ACSM4: variants seen among roughly 807,000 people sequenced by gnomAD.
ACSM4 encodes the protein acyl-coenzyme A synthetase ACSM4, mitochondrial.
A neutral mutation model predicts 73.0 loss-of-function variants in ACSM4; 66 were observed. The ratio of observed to expected loss-of-function variants is 0.90; its 90% CI spans 0.74 to 1.11. ACSM4 has a LOEUF of 1.11. ACSM4 is among the 50% of genes least tolerant of loss of function. The pLI is 0.00. For synonymous variants in ACSM4, 222 were observed against 254.0 expected, an observed-to-expected ratio of 0.87 and a Z score of 1.20; for missense variants, 645 against 714.4, an observed-to-expected ratio of 0.90 and a Z score of 1.11.
intron 5 of ACSM4, among the ~76,000 whole-genome samples, chr12:7,319,286 TG>T (rs1297224597): frequency 1.3e-5 from 2 of 151,806 alleles, no homozygotes; most frequent in African/African-American, 4.8e-5. Context: ...GGAGCTCAGG[TG>T]GTAATGCGGG....
chr12:7,318,194 C>G lies in ACSM4; in HGVS notation c.921+12C>G. 1 of 1,612,278 alleles carries G rather than the reference C, an allele frequency of 6.2e-7. No homozygotes were observed. Among genetic ancestry groups the G allele is most frequent in the Non-Finnish European group, 8.5e-7 (1 of 1,179,498 alleles). On this transcript the variant is annotated intron_variant, in intron 5 of 12. Transcript: ENST00000399422. ...ACACCTTCCTAGACGTAAGTCATGT[C>G]CTCCAGCTAGATAGATCTTTAGAGT...
intron 6 of ACSM4, among the ~76,000 whole-genome samples, chr12:7,321,480 G>A (rs7309521): frequency 0.03 from 4,537 of 152,304 alleles, 236 homozygotes; most frequent in African/African-American, 0.1. Flanking sequence ...AGTGCTATGC[G>A]AGACAGAATA....
At chr12:7,312,014 T>C (rs1253932371) in intron 3 of ACSM4, among the ~76,000 whole-genome samples, 2 of 152,194 alleles carry the variant, frequency 1.3e-5, no homozygotes, top group Non-Finnish European at 2.9e-5. Flanking sequence ...TAAAGTTTTA[T>C]TGGAATGCAT....
In ACSM4 at chr12:7,317,273, T is replaced by C; in HGVS notation, c.757T>C (p.Cys253Arg). 6.4e-7 allele frequency: 1 copy of C among 1,565,512 alleles called. No homozygotes were observed. Among genetic ancestry groups the C allele is most frequent in the Non-Finnish European group, 8.7e-7 (1 of 1,155,720 alleles). The change falls in exon 4 of 13, where the codon TGC (cysteine) becomes CGC (arginine). Residue 253 changes from cysteine (C) to arginine (R), a missense_variant. By Grantham distance (180) the Cys-to-Arg change is radical (BLOSUM62 -3). Coordinates refer to ENST00000399422, the MANE Select transcript of ACSM4 (RefSeq NM_001080454.2). ...CAGCCTCGGCATTGGGTTCACCCTCTGCGGAAGGTAGGGAAGAAAATTCAG... is the reference window on the plus strand; with the variant it reads ...CAGCCTCGGCATTGGGTTCACCCTCCGCGGAAGGTAGGGAAGAAAATTCAG... ...QSSLGIGFTL[C>R]GRYWLDLKSS... is the part of the protein sequence containing the mutation.
intron 1 of ACSM4, 137 bp from the exon 2 acceptor site, chr12:7,306,396 C>T: frequency 1.3e-6 from 1 of 772,792 alleles, no homozygotes. Context: ...AGGGGCAGTT[C>T]CCTCAAAGAC....
In ACSM4 at chr12:7,320,811, G is replaced by A. The variant is rs192195030; in HGVS notation, c.1001+7G>A. On this transcript the variant is annotated splice_region_variant and intron_variant, in intron 6 of 12. Coordinates refer to ENST00000399422, the MANE Select transcript of ACSM4 (RefSeq NM_001080454.2). ...TGCAAAAAGACCTTAAGAGGTACTTGGGCAGAAATCTCCATTTGAACCACA... is the reference window on the plus strand; with the variant it reads ...TGCAAAAAGACCTTAAGAGGTACTTAGGCAGAAATCTCCATTTGAACCACA... 6.1e-5 allele frequency: 98 copies of A among 1,606,248 alleles called. 1 individual carries two copies. The highest frequency in any genetic ancestry group is 8.1e-5 in the Non-Finnish European group (95 of 1,173,206).
In ACSM4 at chr12:7,317,272, CTGCGG is replaced by C; in HGVS notation, c.757_761del (p.Cys253LysfsTer17). The C allele has an allele frequency of 1.3e-6, 2 of 1,567,424 alleles. No homozygotes were observed. Among genetic ancestry groups the C allele is most frequent in the Non-Finnish European group, 1.7e-6 (2 of 1,156,570 alleles). The stretch of plus-strand genomic sequence containing the variant: ...GCAGCCTCGGCATTGGGTTCACCCT[CTGCGG>C]AAGGTAGGGAAGAAAATTCAGTTTG... On this transcript the variant is annotated frameshift_variant, in exon 4 of 13. Transcript: ENST00000399422. LOFTEE classifies it high-confidence loss of function.
rs758984872 is a variant in ACSM4 at position 7,306,627 on chromosome 12, G to A, written c.296G>A (p.Arg99Gln). 2.2e-5 allele frequency: 35 copies of A among 1,605,658 alleles called. No individual in the cohort carries two copies. Among genetic ancestry groups the A allele is most frequent in the South Asian group, 3.4e-5 (3 of 89,264 alleles). ...TTCAGAGAACTGGGCTCCTTGTCCC[G>A]AAAAGCTGCCAACGTGCTCACCAAG... ...WSFRELGSLS[R>Q]KAANVLTKPC... The change falls in exon 2 of 13, where the codon CGA (arginine) becomes CAA (glutamine). Residue 99 changes from arginine (R) to glutamine (Q), a missense_variant. Physicochemically the swap from Arg to Gln is conservative, Grantham distance 43. Coordinates refer to ENST00000399422, the MANE Select transcript of ACSM4 (RefSeq NM_001080454.2).
intron 3 of ACSM4, among the ~76,000 whole-genome samples, chr12:7,312,812 T>G (rs1227978902): frequency 4.6e-5 from 7 of 152,212 alleles, no homozygotes; most frequent in Non-Finnish European, 8.8e-5. Flanking sequence ...ATAACTGCTA[T>G]CATTATTATT....
At chr12:7,323,360 G>A (rs781033584) in intron 8 of ACSM4, 46 bp downstream of exon 8, 23 of 1,594,674 alleles carry the variant, frequency 1.4e-5, no homozygotes, top group Middle Eastern at 1.7e-4. Flanking sequence ...GAGAGAGAAC[G>A]TTTTCCTTTT....
chr12:7,313,765 AG>A (rs1444261448), intron 3 of ACSM4, among the ~76,000 whole-genome samples: 1 of 152,174 alleles, frequency 6.6e-6, no homozygotes, highest in Non-Finnish European at 1.5e-5. Context: ...TAAGGTGTGC[AG>A]GGAATGGACT....
At chr12:7,319,620 T>A (rs1440276046) in intron 5 of ACSM4, among the ~76,000 whole-genome samples, 3 of 148,000 alleles carry the variant, frequency 2.0e-5, no homozygotes, top group African/African-American at 7.5e-5. Context: ...AAAATACAGA[T>A]GAAGCTTCGC....
chr12:7,324,676 C>A, intron 11 of ACSM4, 78 bp downstream of exon 11: 1 of 1,431,618 alleles, frequency 7.0e-7, no homozygotes, highest in Non-Finnish European at 9.7e-7. Context: ...AAGGCTGAAC[C>A]AAGAGAGGTC....
intron 2 of ACSM4, among the ~76,000 whole-genome samples, chr12:7,308,617 A>T (rs1946373532): frequency 6.6e-6 from 1 of 152,218 alleles, no homozygotes; most frequent in Non-Finnish European, 1.5e-5. Flanking sequence ...CAAGGGAGCT[A>T]ATTATTTGTA....
At chr12:7,320,590 T>C (rs757409661) in intron 5 of ACSM4, 135 bp from the exon 6 acceptor site, 1 of 653,768 alleles carries the variant, frequency 1.5e-6, no homozygotes, top group Non-Finnish European at 2.7e-6. Flanking sequence ...GTAATAAATA[T>C]TGTTTTCTTA....
intron 2 of ACSM4, among the ~76,000 whole-genome samples, chr12:7,307,104 A>G (rs919264053): frequency 6.6e-6 from 1 of 152,042 alleles, no homozygotes; most frequent in African/African-American, 2.4e-5. Context: ...AACACAAAAA[A>G]TTACCCAGTT....
intron 11 of ACSM4, among the ~76,000 whole-genome samples, chr12:7,326,305 G>C (rs921070971): frequency 6.6e-6 from 1 of 152,136 alleles, no homozygotes; most frequent in Non-Finnish European, 1.5e-5. Flanking sequence ...GCTGGGCTCA[G>C]TCGATCCTCC....
intron 3 of ACSM4, among the ~76,000 whole-genome samples, chr12:7,312,731 G>A (rs1054480087): frequency 2.6e-5 from 4 of 152,234 alleles, no homozygotes; most frequent in Middle Eastern, 3.4e-3. Flanking sequence ...AGTATCAAAT[G>A]TGATAAAACA....
At position 7,328,522 on chromosome 12, in the gene ACSM4, A is replaced by G. The variant is rs931165371; in HGVS notation, c.*149A>G. On this transcript the variant is annotated 3_prime_UTR_variant, in exon 13 of 13. Coordinates refer to ENST00000399422, the MANE Select transcript of ACSM4 (RefSeq NM_001080454.2). ...TGATTTTTTGGTTTTTACTTAGCTA[A>G]AAAGTTTAAAAGTAAATAAAAGCCT... is the stretch of plus-strand genomic sequence containing the variant. 4 of 480,710 alleles carry G rather than the reference A, an allele frequency of 8.3e-6. No homozygotes were observed. The highest frequency in any genetic ancestry group is 8.2e-5 in the African/African-American group (4 of 49,006). The allele number at this position is 480,710 out of a possible 1,614,324, so 29.8% of individuals were successfully genotyped here. A position where few individuals can be genotyped will look rare whatever the true frequency, so the allele number is the denominator to read the frequency against.
Sources: gnomAD v4.1 joint callset for allele counts (sites outside exome capture counted in the v4.1 genomes callset) on GRCh38, gnomAD v4.1.1 for gene constraint, MANE v1.5 for transcripts, NCBI Gene and HGNC (gene_info 2026-07-23, HGNC 2026-07-21) for gene names.